The following RP1 variants were observed in gnomAD, a reference collection of about 807,000 sequenced individuals.
RP1 encodes the protein oxygen-regulated protein 1.
In RP1, 16 loss-of-function variants were observed where a neutral mutation model predicts 14.8. The ratio of observed to expected loss-of-function variants is 1.08; its 90% CI spans 0.73 to 1.65. The LOEUF (loss-of-function observed/expected upper bound fraction) is 1.65, where lower values mean the gene tolerates loss of function less well. Among genes scored for constraint, RP1 ranks in the 40% most tolerant of loss-of-function variants. The pLI, the probability that RP1 is intolerant of heterozygous loss-of-function variation, is 0.00. For synonymous variants in RP1, 876 were observed against 883.6 expected (o/e 0.99, Z 0.15); for missense variants, 2,631 against 2,535.0 (o/e 1.04, Z -0.81).
intron 11 of RP1, chr8:54,679,709 A>G (rs544081941): frequency 1.2e-5 from 18 of 1,521,558 alleles, no homozygotes; most frequent in African/African-American, 5.5e-5. Context: ...AAAACAGCCT[A>G]TAGAGTTTAG....
intron 12 of RP1, among the ~76,000 whole-genome samples, chr8:54,689,481 T>C (rs1807656592): frequency 6.6e-6 from 1 of 152,092 alleles, no homozygotes; most frequent in East Asian, 1.9e-4. Flanking sequence ...TAAGTTGGCA[T>C]ACCCAGCTCC....
In RP1 at chr8:54,847,182, C is replaced by G. The variant is rs144474968; in HGVS notation, c.3836-5392C>G. ...AGGGAGATAGAAAAGGGAATTTTTT[C>G]TCCAGCACTCTTGTAAAAAAAAGAG... On this transcript the variant is annotated intron_variant, in intron 25 of 28. Transcript: ENST00000637698. 8.7e-3 allele frequency among the ~76,000 whole-genome samples: 1,326 copies of G among 152,164 alleles called. 16 individuals carry two copies. Among genetic ancestry groups the G allele is most frequent in the African/African-American group, 0.029 (1,206 of 41,512 alleles).
In RP1 at chr8:54,803,576, A is replaced by G. The variant is rs554238855; in HGVS notation, c.3615+19866A>G. Among the ~76,000 whole-genome samples, 9 of 152,266 alleles carry G rather than the reference A, an allele frequency of 5.9e-5. 1 individual carries two copies. The South Asian group carries it at 1.2e-3, about 21-fold the overall frequency. On this transcript the variant is annotated intron_variant, in intron 24 of 28. Transcript: ENST00000637698. ...ACAATGTTGTTGAATGATTTCCTTA[A>G]AAGAGTTGCTTATTGTATAAATGAG...
chr8:54,683,833 A>G (rs1807489925), intron 12 of RP1, among the ~76,000 whole-genome samples: 1 of 152,070 alleles, frequency 6.6e-6, no homozygotes, highest in Non-Finnish European at 1.5e-5. Flanking sequence ...TTCCAATAAT[A>G]TGTTGAATAG....
chr8:54,632,665 A>AT (rs1400797487), downstream of RP1, among the ~76,000 whole-genome samples: 4 of 151,834 alleles, frequency 2.6e-5, no homozygotes, highest in Non-Finnish European at 4.4e-5. Flanking sequence ...AGTTTTTTGT[A>AT]TTTTTTTTAG....
At position 54,626,312 on chromosome 8, in the gene RP1, C is replaced by T. The variant is rs1230883512; in HGVS notation, c.2430C>T (p.Cys810=). The change falls in exon 4 of 4, where the codon TGC becomes TGT. Residue 810 remains cysteine (C), a synonymous_variant. Transcript: ENST00000220676. The part of the protein sequence containing the change: ...KVFPHNESKY[C]KSTFENKSLF... ...TTCCTCACAATGAATCTAAATATTG[C>T]AAAAGTACTTTTGAAAACAAAAGTT... 1.2e-6 allele frequency: 2 copies of T among 1,613,112 alleles called. No individual in the cohort carries two copies. Among genetic ancestry groups the T allele is most frequent in the East Asian group, 4.5e-5 (2 of 44,778 alleles).
chr8:54,828,261 T>A (rs1811432826), intron 24 of RP1, among the ~76,000 whole-genome samples: 1 of 152,194 alleles, frequency 6.6e-6, no homozygotes, highest in African/African-American at 2.4e-5. Flanking sequence ...TGGAAATGAT[T>A]TGTTTGGCCC....
At chr8:54,757,634 G>A (rs991226954) in intron 21 of RP1, among the ~76,000 whole-genome samples, 1 of 152,230 alleles carries the variant, frequency 6.6e-6, no homozygotes, top group Admixed American at 6.5e-5. Flanking sequence ...ACCAGGGGAA[G>A]CCCTCAGACA....
chr8:54,723,084 GC>G (rs1397889503), intron 16 of RP1, among the ~76,000 whole-genome samples: 5 of 152,170 alleles, frequency 3.3e-5, no homozygotes, highest in Non-Finnish European at 4.4e-5. Flanking sequence ...GGTGCGGGGA[GC>G]TTTTGCCAGT....
chr8:54,846,184 AT>A (rs1811916528), intron 25 of RP1, among the ~76,000 whole-genome samples: 1 of 152,240 alleles, frequency 6.6e-6, no homozygotes, highest in Admixed American at 6.5e-5. Flanking sequence ...ACTATGCTAA[AT>A]ATAGTATATA....
intron 25 of RP1, among the ~76,000 whole-genome samples, chr8:54,852,195 A>C (rs1812073649): frequency 6.6e-6 from 1 of 152,182 alleles, no homozygotes; most frequent in African/African-American, 2.4e-5. Flanking sequence ...ATGAGTGACC[A>C]GCTGTGATTA....
intron 5 of RP1, among the ~76,000 whole-genome samples, chr8:54,655,832 A>G (rs1202617359): frequency 1.3e-5 from 2 of 151,752 alleles, no homozygotes; most frequent in East Asian, 1.9e-4. Context: ...AGCCTGGGCA[A>G]CATAGCAAGA....
chr8:54,583,209 A>G lies in RP1; in HGVS notation c.-13+23889A>G, dbSNP rs184045584. 7.8e-3 allele frequency among the ~76,000 whole-genome samples: 1,187 copies of G among 152,282 alleles called. 15 individuals carry two copies. The highest frequency in any genetic ancestry group is 0.027 in the African/African-American group (1,124 of 41,564). ...AATTTATTGAGAGTTTTTAGCATGA[A>G]GGGTTGTTGAATTTTGTTGAAGGCC... On this transcript the variant is annotated intron_variant, in intron 1 of 22. Transcript: ENST00000636932.
At chr8:54,605,362 T>C (rs1243337540) in intron 1 of RP1, among the ~76,000 whole-genome samples, 2 of 152,242 alleles carry the variant, frequency 1.3e-5, no homozygotes, top group African/African-American at 4.8e-5. Flanking sequence ...AGTGAGTTTC[T>C]TAATCCTGAG....
At chr8:54,688,350 C>T (rs1469674359) in intron 12 of RP1, among the ~76,000 whole-genome samples, 1 of 152,104 alleles carries the variant, frequency 6.6e-6, no homozygotes, top group Non-Finnish European at 1.5e-5. Flanking sequence ...GCTTTTGTTG[C>T]CATCGCTTTT....
intron 7 of RP1, among the ~76,000 whole-genome samples, chr8:54,670,369 T>G (rs1431342828): frequency 6.6e-6 from 1 of 151,402 alleles, no homozygotes; most frequent in East Asian, 1.9e-4. Context: ...CCTAGTATTG[T>G]GTTGCTGTCT....
In RP1 at chr8:54,627,285, G is replaced by A. The variant is rs1231255850; in HGVS notation, c.3403G>A (p.Val1135Met). 3 of 1,613,924 alleles carry A rather than the reference G, an allele frequency of 1.9e-6. No individual in the cohort carries two copies. The highest frequency in any genetic ancestry group is 2.2e-5 in the East Asian group (1 of 44,896). Residue 1135 changes from valine (V) to methionine (M), a missense_variant, in exon 4 of 4, where the codon GTG becomes ATG. Physicochemically the swap from Val to Met is conservative, Grantham distance 21. Transcript: ENST00000220676. ...STNLLLAWLL[V>M]LNLKGSMNSF... ...TAATCTCCTTCTAGCTTGGCTCTTGGTGCTAAACCTAAAGGGAAGTATGAA... is the reference window on the plus strand; with the variant it reads ...TAATCTCCTTCTAGCTTGGCTCTTGATGCTAAACCTAAAGGGAAGTATGAA...
chr8:54,845,423 C>A (rs1811894925), intron 25 of RP1, among the ~76,000 whole-genome samples: 1 of 152,116 alleles, frequency 6.6e-6, no homozygotes, highest in Admixed American at 6.5e-5. Context: ...GGGATTCTAA[C>A]CTGAAAAAAC....
chr8:54,679,834 G>T lies in RP1; in HGVS notation c.1618G>T (p.Gly540Ter). 1 of 1,535,974 alleles carries T rather than the reference G, an allele frequency of 6.5e-7. No individual in the cohort carries two copies. The highest frequency in any genetic ancestry group is 1.4e-5 in the African/African-American group (1 of 73,148). ...TGCAGAAAGCTGGAAGTTTACAAAA[G>T]GAAATACTCTTCAGTTCTATAACAA... is the stretch of plus-strand genomic sequence containing the variant. Residue 540 changes from glycine to a stop codon, truncating the protein, a stop_gained, in exon 12 of 23, where the codon GGA becomes TGA. Coordinates refer to the RP1 transcript ENST00000636932. LOFTEE classifies it high-confidence loss of function.
Sources: allele counts gnomAD v4.1 joint callset (sites outside exome capture counted in the v4.1 genomes callset), GRCh38; gene constraint gnomAD v4.1.1; transcripts MANE v1.5; gene names NCBI Gene and HGNC (gene_info 2026-07-23, HGNC 2026-07-21).